Variants in UGT2B28 observed in about 807,000 individuals in gnomAD.
UGT2B28 encodes UDP glucuronosyltransferase family 2 member B28.
Under a neutral mutation model 43.6 loss-of-function variants are expected in UGT2B28, and 45 were observed. The ratio of observed to expected loss-of-function variants is 1.03; its 90% CI spans 0.81 to 1.32. UGT2B28 has a LOEUF of 1.32. UGT2B28 is among the 40% of genes most tolerant of loss of function. UGT2B28 has a pLI of 0.00. For synonymous variants in UGT2B28, 204 were observed against 208.1 expected, an observed-to-expected ratio of 0.98 and a Z score of 0.17; for missense variants, 649 against 625.5, an observed-to-expected ratio of 1.04 and a Z score of -0.40.
At chr4:69,291,328 A>G (rs1020722307) in intron 5 of UGT2B28, among the ~76,000 whole-genome samples, 1 of 140,546 alleles carries the variant, frequency 7.1e-6, no homozygotes, top group Non-Finnish European at 1.5e-5. Flanking sequence ...TCACCATCAT[A>G]TAATTTTAGA....
intron 4 of UGT2B28, among the ~76,000 whole-genome samples, 164 bp from the exon 5 acceptor site, chr4:69,290,428 A>G (rs4235126): frequency 0.74 from 103,037 of 139,220 alleles, 42,535 homozygotes; most frequent in Non-Finnish European, 0.79. Flanking sequence ...GGAGACTTCA[A>G]TTACATCTCC....
At chr4:69,293,338 T>G (rs1724005760) in intron 5 of UGT2B28, among the ~76,000 whole-genome samples, 1 of 140,808 alleles carries the variant, frequency 7.1e-6, no homozygotes, top group Non-Finnish European at 1.5e-5. Flanking sequence ...GGTAAATTGG[T>G]ATCTTCACCT....
In UGT2B28 at chr4:69,286,821, A is replaced by G. The variant is rs1723789772; in HGVS notation, c.940A>G (p.Ser314Gly). The change falls in exon 3 of 6, where the codon AGT (serine) becomes GGT (glycine). Residue 314 changes from serine to glycine, a missense_variant. Transcript: ENST00000335568. ...VVVFSLGSVI[S>G]NMTAERANVI... ...GGTGTTTTCTCTGGGGTCAGTGATA[A>G]GTAACATGACAGCAGAAAGGGCCAA... 1.3e-6 allele frequency: 2 copies of G among 1,557,144 alleles called. No individual in the cohort carries two copies. Among genetic ancestry groups the G allele is most frequent in the East Asian group, 4.6e-5 (2 of 43,508 alleles).
rs78785886 is a variant in UGT2B28, at chr4:69,290,545, G to A, written c.1091-47G>A. 4.6e-4 allele frequency: 697 copies of A among 1,529,842 alleles called. 146 individuals are homozygous for A. The African/African-American group carries it at 9.3e-3, about 20-fold the overall frequency. The allele number at this position is 1,529,842 out of a possible 1,614,324, so 94.8% of individuals were successfully genotyped here. Reference sequence around the variant, plus strand: ...CTTTCAGAGCATTTCATTGTGTATCGCATTTTATTCCTATGAATAATTTTG... The same window carrying A: ...CTTTCAGAGCATTTCATTGTGTATCACATTTTATTCCTATGAATAATTTTG... On this transcript the variant is annotated intron_variant, in intron 4 of 5. Coordinates refer to ENST00000335568, the MANE Select transcript of UGT2B28 (RefSeq NM_053039.2).
rs1486785373 is a variant in UGT2B28, at chr4:69,284,646, A to G, written c.870+1984A>G. Among the ~76,000 whole-genome samples the G allele has an allele frequency of 1.4e-5, 2 of 140,206 alleles. 1 individual carries two copies. The highest frequency in any genetic ancestry group is 3.0e-5 in the Non-Finnish European group (2 of 65,620). 92.0% of individuals were successfully genotyped at this position (140,206 alleles called of 152,430 possible). ...GTAGGAGGTGTAAAAGGACAAGAAA[A>G]AAGGTTGACTAGTAGTACAATAGTG... On this transcript the variant is annotated intron_variant, in intron 2 of 5. Coordinates refer to ENST00000335568, the MANE Select transcript of UGT2B28 (RefSeq NM_053039.2).
At chr4:69,282,041 T>G (rs1312841918) in intron 1 of UGT2B28, among the ~76,000 whole-genome samples, 1 of 139,938 alleles carries the variant, frequency 7.1e-6, no homozygotes, top group Admixed American at 7.2e-5. Flanking sequence ...TGCCATACTC[T>G]CAAAATAGTC....
chr4:69,288,245 G>A lies in UGT2B28; in HGVS notation c.1002+1362G>A, dbSNP rs1267656843. 1.4e-5 allele frequency among the ~76,000 whole-genome samples: 2 copies of A among 138,900 alleles called. 1 individual carries two copies. The highest frequency in any genetic ancestry group is 5.6e-5 in the African/African-American group (2 of 35,582). The allele number at this position is 138,900 out of a possible 152,430, so 91.1% of individuals were successfully genotyped here. ...GAAATTTTTCTTGGAAGTAGTGCTT[G>A]AAAATTTGTAATTCCAATGAAGTTA... On this transcript the variant is annotated intron_variant, in intron 3 of 5. Transcript: ENST00000335568.
In UGT2B28 at chr4:69,286,928, C is replaced by T. The variant is rs1286397035; in HGVS notation, c.1002+45C>T. The T allele has an allele frequency of 5.5e-6, 7 of 1,281,674 alleles. 1 individual carries two copies. The highest frequency in any genetic ancestry group is 6.9e-6 in the Non-Finnish European group (7 of 1,007,660). 79.4% of individuals were successfully genotyped at this position (1,281,674 alleles called of 1,614,324 possible). Reference sequence around the variant, plus strand: ...TGGTGTGGAAAACTACTGAAAGAGGCTGTTAAAGTTTGAGATCTACACAGA... The same window carrying T: ...TGGTGTGGAAAACTACTGAAAGAGGTTGTTAAAGTTTGAGATCTACACAGA... On this transcript the variant is annotated intron_variant, in intron 3 of 5. Transcript: ENST00000335568.
At position 69,288,560 on chromosome 4, in the gene UGT2B28, T is replaced by A. The variant is rs1422913678; in HGVS notation, c.1003-1105T>A. Among the ~76,000 whole-genome samples the A allele has an allele frequency of 6.8e-4, 96 of 140,352 alleles. 21 individuals carry two copies. The highest frequency in any genetic ancestry group is 1.2e-3 in the African/African-American group (42 of 36,194). The allele number at this position is 140,352 out of a possible 152,430, so 92.1% of individuals were successfully genotyped here. A position where few individuals can be genotyped will look rare whatever the true frequency, so the allele number is the denominator to read the frequency against. ...TCCATATAATTTTTTATACTTTTTTTATAATATTTTTATTTTTTAAATTAA... is the reference window on the plus strand; with the variant it reads ...TCCATATAATTTTTTATACTTTTTTAATAATATTTTTATTTTTTAAATTAA... On this transcript the variant is annotated intron_variant, in intron 3 of 5. Transcript: ENST00000335568.
At chr4:69,289,251 T>C (rs1244886266) in intron 3 of UGT2B28, among the ~76,000 whole-genome samples, 1 of 139,794 alleles carries the variant, frequency 7.2e-6, no homozygotes, top group Non-Finnish European at 1.5e-5. Flanking sequence ...GCCAACATCA[T>C]GATATTTTTT....
chr4:69,282,597 C>G lies in UGT2B28; in HGVS notation c.805C>G (p.Pro269Ala), dbSNP rs1723648643. 9 of 1,555,886 alleles carry G rather than the reference C, an allele frequency of 5.8e-6. No individual in the cohort carries two copies. The highest frequency in any genetic ancestry group is 7.8e-6 in the Non-Finnish European group (9 of 1,153,794). ...RNSWSFQFPHPFLPNIDFVGG... is the reference protein window; with the variant it reads ...RNSWSFQFPHAFLPNIDFVGG... ...CTCCTGGAGTTTTCAATTTCCTCAT[C>G]CATTCTTACCAAACATTGATTTTGT... The change falls in exon 2 of 6, where the codon CCA (proline) becomes GCA (alanine). Residue 269 changes from proline to alanine, a missense_variant. Pro to Ala is a conservative substitution (Grantham distance 27). Coordinates refer to ENST00000335568, the MANE Select transcript of UGT2B28 (RefSeq NM_053039.2).
chr4:69,287,295 AAT>A (rs1486564221), intron 3 of UGT2B28, among the ~76,000 whole-genome samples: 1 of 140,890 alleles, frequency 7.1e-6, no homozygotes, highest in East Asian at 2.0e-4. Context: ...TTCAACTAAA[AAT>A]ATATATCCAG....
chr4:69,281,321 G>T (rs549507480), intron 1 of UGT2B28, 100 bp downstream of exon 1: 2 of 1,294,698 alleles, frequency 1.5e-6, no homozygotes, highest in East Asian at 2.5e-5. Flanking sequence ...GGAGTTTTTG[G>T]TAAGTGAATT....
rs558536549 is a variant in UGT2B28 at position 69,292,273 on chromosome 4, G to A, written c.1310+1462G>A. ...GATAACAATGTGAAAAATTCCTTGC[G>A]GAGTCCAGCTACCATCAATTCCACA... On this transcript the variant is annotated intron_variant, in intron 5 of 5. Transcript: ENST00000335568. Among the ~76,000 whole-genome samples, 23 of 139,526 alleles carry A rather than the reference G, an allele frequency of 1.6e-4. 1 individual carries two copies. Among genetic ancestry groups the A allele is most frequent in the East Asian group, 4.1e-4 (2 of 4,890 alleles). The allele number at this position is 139,526 out of a possible 152,430, so 91.5% of individuals were successfully genotyped here.
chr4:69,281,384 G>A (rs569513862), intron 1 of UGT2B28, among the ~76,000 whole-genome samples, 163 bp downstream of exon 1: 2 of 140,214 alleles, frequency 1.4e-5, no homozygotes, highest in East Asian at 4.1e-4. Flanking sequence ...TTATAGAAAA[G>A]CTTAAATTAT....
At position 69,292,211 on chromosome 4, in the gene UGT2B28, T is replaced by A. The variant is rs1259357145; in HGVS notation, c.1310+1400T>A. 7.3e-4 allele frequency among the ~76,000 whole-genome samples: 102 copies of A among 140,422 alleles called. 19 individuals are homozygous for A. Among genetic ancestry groups the A allele is most frequent in the Non-Finnish European group, 1.8e-4 (12 of 65,616 alleles). The allele number at this position is 140,422 out of a possible 152,430, so 92.1% of individuals were successfully genotyped here. ...GAAGCACAAAAAATATAATTTTAAG[T>A]TAAAGTTTTAATAATTGATTTTGTT... On this transcript the variant is annotated intron_variant, in intron 5 of 5. Coordinates refer to ENST00000335568, the MANE Select transcript of UGT2B28 (RefSeq NM_053039.2).
chr4:69,290,665 C>T lies in UGT2B28; in HGVS notation c.1164C>T (p.Ile388=). 1 of 1,559,208 alleles carries T rather than the reference C, an allele frequency of 6.4e-7. No homozygotes were observed. The highest frequency in any genetic ancestry group is 8.7e-7 in the Non-Finnish European group (1 of 1,155,116). ...TCTATGAGGCAATCTACCATGGGAT[C>T]CCTATGGTAGGCATTCCATTGTTTT... ...NGIYEAIYHG[I]PMVGIPLFWD... Residue 388 remains isoleucine (I), a synonymous_variant, in exon 5 of 6, where the codon ATC becomes ATT. Transcript: ENST00000335568.
chr4:69,294,625 G>T lies in UGT2B28; in HGVS notation c.1406G>T (p.Cys469Phe). The change falls in exon 6 of 6, where the codon TGC becomes TTC. Residue 469 changes from cysteine (C) to phenylalanine (F), a missense_variant. Transcript: ENST00000335568. ...GTCTTCTGGATTGAATTTGTGATGT[G>T]CCACAAAGGAGCCAAACACCTTCGA... Reference protein sequence around the residue: ...RAVFWIEFVMCHKGAKHLRVA... With the variant: ...RAVFWIEFVMFHKGAKHLRVA... 6.5e-7 allele frequency: 1 copy of T among 1,549,492 alleles called. No homozygotes were observed. Among genetic ancestry groups the T allele is most frequent in the Non-Finnish European group, 8.7e-7 (1 of 1,149,070 alleles).
At chr4:69,285,793 A>C (rs181126877) in intron 2 of UGT2B28, among the ~76,000 whole-genome samples, 1 of 140,936 alleles carries the variant, frequency 7.1e-6, no homozygotes, top group Non-Finnish European at 1.5e-5. Flanking sequence ...GCACATCTTC[A>C]CCAGGCGTGT....
Sources: allele counts gnomAD v4.1 joint callset (sites outside exome capture counted in the v4.1 genomes callset), GRCh38; gene constraint gnomAD v4.1.1; transcripts MANE v1.5; gene names NCBI Gene and HGNC (gene_info 2026-07-23, HGNC 2026-07-21).